The following WWOX variants were observed in gnomAD, a reference collection of about 807,000 sequenced individuals.
WWOX encodes WW domain-containing oxidoreductase.
A neutral mutation model predicts 46.2 loss-of-function variants in WWOX; 69 were observed. The ratio of observed to expected loss-of-function variants is 1.49; its 90% CI spans 1.23 to 1.82. The LOEUF (loss-of-function observed/expected upper bound fraction) is 1.82. Ranked by LOEUF, WWOX falls within the 40% of genes most tolerant of loss-of-function variation. The pLI is 0.00. For synonymous variants in WWOX, 359 were observed against 202.6 expected, an observed-to-expected ratio of 1.77 and a Z score of -6.56; for missense variants, 919 against 542.6, an observed-to-expected ratio of 1.69 and a Z score of -6.89.
chr16:79,156,106 G>T (rs1399123206), intron 8 of WWOX, among the ~76,000 whole-genome samples: 1 of 152,132 alleles, frequency 6.6e-6, no homozygotes, highest in Non-Finnish European at 1.5e-5. Context: ...ACTACTCATA[G>T]GCCCATCTGT....
At chr16:79,195,794 G>T (rs1378521994) in intron 8 of WWOX, among the ~76,000 whole-genome samples, 2 of 152,214 alleles carry the variant, frequency 1.3e-5, no homozygotes, top group East Asian at 1.9e-4. Flanking sequence ...CCTAGCACAA[G>T]ATCAGTGACT....
chr16:78,609,118 C>T (rs1177829513), intron 8 of WWOX, among the ~76,000 whole-genome samples: 3 of 152,102 alleles, frequency 2.0e-5, no homozygotes, highest in East Asian at 3.9e-4. Context: ...TAAAGACAAA[C>T]ATTACAGAGG....
intron 5 of WWOX, among the ~76,000 whole-genome samples, chr16:78,299,728 C>T (rs1321185148): frequency 6.6e-6 from 1 of 151,946 alleles, no homozygotes; most frequent in Non-Finnish European, 1.5e-5. Context: ...GGGGTTTTGC[C>T]ATGTTGCCCA....
At chr16:78,911,051 C>G (rs1022389644) in intron 8 of WWOX, among the ~76,000 whole-genome samples, 2 of 151,380 alleles carry the variant, frequency 1.3e-5, no homozygotes, top group African/African-American at 2.4e-5. Flanking sequence ...CACAGCCTGT[C>G]GACTTCCATC....
intron 8 of WWOX, among the ~76,000 whole-genome samples, chr16:78,582,883 T>C (rs1489818678): frequency 2.0e-5 from 3 of 152,146 alleles, no homozygotes; most frequent in African/African-American, 7.2e-5. Flanking sequence ...GAACCTCCTA[T>C]GGGAACCAGA....
At chr16:78,753,705 G>A (rs2049545339) in intron 8 of WWOX, among the ~76,000 whole-genome samples, 1 of 150,152 alleles carries the variant, frequency 6.7e-6, no homozygotes, top group South Asian at 2.1e-4. Context: ...AGGAGGCTGA[G>A]GTGGGAGGAT....
At chr16:78,453,597 G>C (rs188929724) in intron 8 of WWOX, among the ~76,000 whole-genome samples, 4 of 152,082 alleles carry the variant, frequency 2.6e-5, no homozygotes, top group Non-Finnish European at 5.9e-5. Context: ...GTCTAGGGTA[G>C]GGAGAGATAA....
intron 8 of WWOX, among the ~76,000 whole-genome samples, chr16:78,905,767 T>C (rs2044946862): frequency 6.6e-6 from 1 of 152,162 alleles, no homozygotes; most frequent in Non-Finnish European, 1.5e-5. Context: ...TAGTATCCTA[T>C]TTATACAATG....
intron 8 of WWOX, among the ~76,000 whole-genome samples, chr16:78,949,630 C>T (rs149522861): frequency 6.6e-6 from 1 of 152,338 alleles, no homozygotes; most frequent in East Asian, 1.9e-4. Context: ...TTCTTTTAAT[C>T]CACCTCTCCA....
intron 5 of WWOX, among the ~76,000 whole-genome samples, chr16:78,261,620 G>A (rs2151837253): frequency 6.7e-6 from 1 of 150,010 alleles, no homozygotes; most frequent in East Asian, 1.9e-4. Context: ...AAGTCTGATT[G>A]CAACTACGTG....
intron 8 of WWOX, among the ~76,000 whole-genome samples, chr16:78,466,753 C>G (rs1411130123): frequency 1.3e-5 from 2 of 152,112 alleles, no homozygotes; most frequent in Admixed American, 6.5e-5. Flanking sequence ...GAGGCTGAGA[C>G]AGGAGAATCA....
chr16:78,534,862 C>T (rs1011094426), intron 8 of WWOX, among the ~76,000 whole-genome samples: 10 of 151,924 alleles, frequency 6.6e-5, no homozygotes, highest in African/African-American at 1.7e-4. Flanking sequence ...TACAGGTGCG[C>T]GCTATCATGC....
intron 8 of WWOX, among the ~76,000 whole-genome samples, chr16:79,041,048 T>C (rs1015451498): frequency 6.6e-6 from 1 of 151,960 alleles, no homozygotes; most frequent in African/African-American, 2.4e-5. Context: ...TTCAGTCTCT[T>C]ATCCAAGCAG....
In WWOX at chr16:78,230,118, A is replaced by G. The variant is rs150407262; in HGVS notation, c.516+65829A>G. 3.5e-3 allele frequency among the ~76,000 whole-genome samples: 527 copies of G among 152,170 alleles called. 2 individuals are homozygous for G. The highest frequency in any genetic ancestry group is 0.012 in the African/African-American group (502 of 41,506). On this transcript the variant is annotated intron_variant, in intron 5 of 8. Coordinates refer to ENST00000566780, the MANE Select transcript of WWOX (RefSeq NM_016373.4). Reference sequence around the variant, plus strand: ...TGGTCTCGATCTCCTGGGCTCTAGCAATCCTCCCACCTCGGCCTCCCAAAG... The same window carrying G: ...TGGTCTCGATCTCCTGGGCTCTAGCGATCCTCCCACCTCGGCCTCCCAAAG...
At chr16:78,686,137 T>C (rs962057678) in intron 8 of WWOX, among the ~76,000 whole-genome samples, 2 of 152,194 alleles carry the variant, frequency 1.3e-5, no homozygotes, top group Non-Finnish European at 2.9e-5. Flanking sequence ...GGAAGTTTTT[T>C]CCTTCTGGAT....
At chr16:78,601,418 G>A (rs2045619116) in intron 8 of WWOX, among the ~76,000 whole-genome samples, 1 of 146,806 alleles carries the variant, frequency 6.8e-6, no homozygotes, top group Non-Finnish European at 1.5e-5. Context: ...CTTGACTGGT[G>A]CATGGGAATT....
chr16:79,059,305 G>C (rs1042433284), intron 8 of WWOX, among the ~76,000 whole-genome samples: 1 of 152,136 alleles, frequency 6.6e-6, no homozygotes, highest in African/African-American at 2.4e-5. Flanking sequence ...CCTTAATCTA[G>C]TGTGTAATTG....
intron 8 of WWOX, among the ~76,000 whole-genome samples, chr16:78,679,321 C>A (rs988879678): frequency 6.6e-6 from 1 of 152,126 alleles, no homozygotes; most frequent in Admixed American, 6.6e-5. Flanking sequence ...GAGGCCAAGG[C>A]GGGTGGATCA....
At chr16:78,758,602 A>G (rs1336991149) in intron 8 of WWOX, among the ~76,000 whole-genome samples, 1 of 152,142 alleles carries the variant, frequency 6.6e-6, no homozygotes, top group African/African-American at 2.4e-5. Flanking sequence ...TCAACCGTGG[A>G]TGGTTTCTTT....
Sources: gnomAD v4.1 joint callset for allele counts (sites outside exome capture counted in the v4.1 genomes callset) on GRCh38, gnomAD v4.1.1 for gene constraint, MANE v1.5 for transcripts, NCBI Gene and HGNC (gene_info 2026-07-23, HGNC 2026-07-21) for gene names.